The following APBB2 variants were observed in gnomAD, a reference collection of about 807,000 sequenced individuals.
APBB2 encodes the protein amyloid beta precursor protein binding family B member 2.
In APBB2, 38 loss-of-function variants were observed where a neutral mutation model predicts 82.5. That is an observed-to-expected ratio of 0.46 (90% CI 0.36 to 0.60). The LOEUF is 0.60. APBB2 is among the 20% of genes least tolerant of loss of function. APBB2 has a pLI of 0.00. For missense variants in APBB2, 772 were observed against 972.3 expected, an observed-to-expected ratio of 0.79 and a Z score of 2.74; for synonymous variants, 341 against 368.2, an observed-to-expected ratio of 0.93 and a Z score of 0.85.
At chr4:40,857,493 CAG>C (rs138681582) in intron 12 of APBB2, among the ~76,000 whole-genome samples, 3,548 of 152,266 alleles carry the variant, frequency 0.023, 157 homozygotes, top group African/African-American at 0.082. Flanking sequence ...CTTCTTGAGA[CAG>C]AGTCTCGCTC....
At chr4:40,957,888 C>T (rs1792102685) in intron 6 of APBB2, among the ~76,000 whole-genome samples, 2 of 152,112 alleles carry the variant, frequency 1.3e-5, no homozygotes, top group African/African-American at 4.8e-5. Context: ...CCGGCCTCCA[C>T]CTCATATTCT....
chr4:41,180,766 T>C (rs545345949), intron 1 of APBB2, among the ~76,000 whole-genome samples: 149 of 152,296 alleles, frequency 9.8e-4, no homozygotes, highest in African/African-American at 3.2e-3. Context: ...ACCTTGATTG[T>C]CTACAAGGGA....
At chr4:40,974,623 C>T (rs1015325211) in intron 6 of APBB2, among the ~76,000 whole-genome samples, 2 of 152,224 alleles carry the variant, frequency 1.3e-5, no homozygotes, top group African/African-American at 4.8e-5. Context: ...CTTGCCTATA[C>T]ATCCAATTTC....
intron 3 of APBB2, among the ~76,000 whole-genome samples, chr4:41,088,616 A>T (rs1488484030): frequency 6.6e-6 from 1 of 152,224 alleles, no homozygotes; most frequent in Non-Finnish European, 1.5e-5. Context: ...ATCCTCTTTG[A>T]TGCTTAGATT....
chr4:41,035,620 T>C (rs566656543), intron 4 of APBB2, among the ~76,000 whole-genome samples: 8 of 152,218 alleles, frequency 5.3e-5, no homozygotes, highest in Non-Finnish European at 1.2e-4. Context: ...AAAGGCATAC[T>C]AGTGTGAGCA....
At chr4:41,118,999 CGTT>C (rs969606850) in intron 2 of APBB2, among the ~76,000 whole-genome samples, 3 of 151,884 alleles carry the variant, frequency 2.0e-5, no homozygotes, top group African/African-American at 7.3e-5. Context: ...ATTAGCCAGG[CGTT>C]GTAGTGCGCA....
chr4:41,101,216 G>A (rs1294266621), intron 2 of APBB2, among the ~76,000 whole-genome samples: 3 of 151,944 alleles, frequency 2.0e-5, no homozygotes, highest in Non-Finnish European at 4.4e-5. Flanking sequence ...TGTAATCCCA[G>A]CACTTTGGGA....
intron 4 of APBB2, among the ~76,000 whole-genome samples, chr4:41,036,955 T>C (rs1199271904): frequency 2.6e-5 from 4 of 152,178 alleles, no homozygotes; most frequent in African/African-American, 7.2e-5. Flanking sequence ...AGGCAAACAC[T>C]ATACAAATGA....
intron 6 of APBB2, among the ~76,000 whole-genome samples, chr4:40,995,536 T>TA (rs1189360025): frequency 3.0e-4 from 45 of 147,802 alleles, no homozygotes; most frequent in East Asian, 5.9e-4. Context: ...GGCTAATGTT[T>TA]AAAAAAAAAA....
intron 12 of APBB2, among the ~76,000 whole-genome samples, chr4:40,831,359 G>C (rs1007880240): frequency 4.0e-5 from 6 of 151,566 alleles, no homozygotes; most frequent in African/African-American, 7.3e-5. Flanking sequence ...CCGAGACTGT[G>C]CCACTGCACT....
rs1553969814 is a variant in APBB2 at position 41,160,031 on chromosome 4, A to AGAAGAG, written c.-416-16890_-416-16889insCTCTTC. ...AAGAAGAAGAAGAAGAAGAAGAAGA[A>AGAAGAG]GAAGAAAACATCACAGGATGCTGTT... On this transcript the variant is annotated intron_variant, in intron 1 of 17. Coordinates refer to ENST00000508593, the MANE Select transcript of APBB2 (RefSeq NM_004307.2). Among the ~76,000 whole-genome samples, 25 of 147,320 alleles carry AGAAGAG rather than the reference A, an allele frequency of 1.7e-4. No individual in the cohort carries two copies. In the East Asian group the frequency reaches 4.1e-3, roughly 24 times the overall value.
At chr4:40,928,387 AACACACACACACACAC>A (rs34694637) in intron 10 of APBB2, among the ~76,000 whole-genome samples, 4 of 112,802 alleles carry the variant, frequency 3.5e-5, no homozygotes, top group African/African-American at 7.1e-5. Flanking sequence ...TACTAAAGAA[AACACACACACACACAC>A]ACACACACAC....
At chr4:41,088,756 T>C (rs371226237) in intron 3 of APBB2, among the ~76,000 whole-genome samples, 1 of 152,328 alleles carries the variant, frequency 6.6e-6, no homozygotes, top group East Asian at 1.9e-4. Flanking sequence ...TTTGTTTTAT[T>C]TTTAAGTCAT....
intron 12 of APBB2, among the ~76,000 whole-genome samples, chr4:40,850,462 T>C (rs146331929): frequency 3.1e-4 from 47 of 152,364 alleles, no homozygotes; most frequent in African/African-American, 1.0e-3. Context: ...TGGCCAAAGA[T>C]GACTGAACCT....
chr4:40,935,067 A>G lies in APBB2; in HGVS notation c.1107+10T>C. On this transcript the variant is annotated intron_variant, in intron 8 of 17. Coordinates refer to ENST00000508593, the MANE Select transcript of APBB2 (RefSeq NM_004307.2). Reference sequence around the variant, plus strand: ...ATATTAAATGATCTAAGATCTGACAATATACTTGCCTTCCAAATGTCACTA... The same window carrying G: ...ATATTAAATGATCTAAGATCTGACAGTATACTTGCCTTCCAAATGTCACTA... 6.6e-7 allele frequency: 1 copy of G among 1,525,520 alleles called. No homozygotes were observed. The highest frequency in any genetic ancestry group is 8.8e-7 in the Non-Finnish European group (1 of 1,137,500). The allele number at this position is 1,525,520 out of a possible 1,614,324, so 94.5% of individuals were successfully genotyped here.
chr4:40,917,601 ATAAT>A (rs1416845360), intron 10 of APBB2, among the ~76,000 whole-genome samples: 2 of 152,380 alleles, frequency 1.3e-5, no homozygotes, highest in Non-Finnish European at 1.5e-5. Context: ...AACACCAAAA[ATAAT>A]TAAAGCAACA....
chr4:40,980,588 T>TACCA (rs1798226519), intron 6 of APBB2, among the ~76,000 whole-genome samples: 2 of 152,232 alleles, frequency 1.3e-5, no homozygotes, highest in Admixed American at 1.3e-4. Context: ...GGATGCATAA[T>TACCA]ACCAAGGAGG....
At chr4:40,918,188 C>G (rs903143829) in intron 10 of APBB2, among the ~76,000 whole-genome samples, 31 of 152,328 alleles carry the variant, frequency 2.0e-4, no homozygotes, top group African/African-American at 7.5e-4. Context: ...GCAGCTTAAT[C>G]TAGTGGGAAA....
At chr4:41,051,417 G>T (rs1337094715) in intron 4 of APBB2, among the ~76,000 whole-genome samples, 1 of 152,236 alleles carries the variant, frequency 6.6e-6, no homozygotes, top group Non-Finnish European at 1.5e-5. Flanking sequence ...CACTGCACTA[G>T]TTGGTCACAA....
Sources: gnomAD v4.1 joint callset for allele counts (sites outside exome capture counted in the v4.1 genomes callset) on GRCh38, gnomAD v4.1.1 for gene constraint, MANE v1.5 for transcripts, NCBI Gene and HGNC (gene_info 2026-07-23, HGNC 2026-07-21) for gene names.